TAX1BP1: variants seen among roughly 807,000 people sequenced by gnomAD.
TAX1BP1 encodes the protein tax1-binding protein 1.
A neutral mutation model predicts 97.7 loss-of-function variants in TAX1BP1; 62 were observed. That is an observed-to-expected ratio of 0.63 (90% CI 0.52 to 0.78). The LOEUF (loss-of-function observed/expected upper bound fraction) is 0.78, where lower values mean the gene tolerates loss of function less well. Ranked by LOEUF, TAX1BP1 falls within the 30% of genes least tolerant of loss-of-function variation. The probability of loss-of-function intolerance (pLI) is 0.00; values close to 1 mark genes in which losing one functional copy is unlikely to be tolerated. For missense variants in TAX1BP1, 867 were observed against 916.1 expected (o/e 0.95, Z 0.69); for synonymous variants, 340 against 304.2 (o/e 1.12, Z -1.23).
intron 1 of TAX1BP1, among the ~76,000 whole-genome samples, chr7:27,746,311 T>C (rs1787813404): frequency 6.6e-6 from 1 of 151,960 alleles, no homozygotes; most frequent in African/African-American, 2.4e-5. Context: ...TTGTATCTAA[T>C]AGATGTTGGT....
chr7:27,746,073 T>C (rs1486560152), intron 1 of TAX1BP1, among the ~76,000 whole-genome samples: 2 of 152,130 alleles, frequency 1.3e-5, no homozygotes, highest in Non-Finnish European at 2.9e-5. Context: ...ACTTTTGCCT[T>C]GTTTTATAAA....
upstream of TAX1BP1, chr7:27,739,963 C>G (rs1787499281): frequency 6.6e-6 from 1 of 152,192 alleles, no homozygotes; most frequent in South Asian, 2.1e-4. Flanking sequence ...TGTTTTGCTG[C>G]GATTAAGTTG....
intron 8 of TAX1BP1, among the ~76,000 whole-genome samples, chr7:27,788,432 T>C (rs1420251352): frequency 6.6e-6 from 1 of 152,068 alleles, no homozygotes; most frequent in African/African-American, 2.4e-5. Context: ...TCAATGTTTT[T>C]ATTGTCCTTT....
intron 11 of TAX1BP1, among the ~76,000 whole-genome samples, chr7:27,794,708 G>A (rs182332117): frequency 6.6e-6 from 1 of 152,202 alleles, no homozygotes; most frequent in Non-Finnish European, 1.5e-5. Flanking sequence ...AAAATGAGCT[G>A]GTGCTTGTGA....
At chr7:27,759,855 CTTTT>C (rs777663697) in intron 3 of TAX1BP1, among the ~76,000 whole-genome samples, 1 of 139,166 alleles carries the variant, frequency 7.2e-6, no homozygotes, top group Non-Finnish European at 1.6e-5. Context: ...TTTTGTAAAT[CTTTT>C]TTTTTTTTTT....
Position 27,829,446 on chromosome 7 carries a change from A to C in TAX1BP1, c.*617A>C, listed in dbSNP as rs571610334. 114 of 152,320 alleles carry C rather than the reference A, an allele frequency of 7.5e-4. No homozygotes were observed. Among genetic ancestry groups the C allele is most frequent in the African/African-American group, 2.7e-3 (111 of 41,576 alleles). 9.4% of individuals were successfully genotyped at this position (152,320 alleles called of 1,614,324 possible). A position where few individuals can be genotyped will look rare whatever the true frequency, so the allele number is the denominator to read the frequency against. ...AATTTTATGGCAAAATTTTAGAATA[A>C]CCTGAATGATTATTTTTAAACTATC... On this transcript the variant is annotated 3_prime_UTR_variant, in exon 17 of 17. Coordinates refer to ENST00000396319, the MANE Select transcript of TAX1BP1 (RefSeq NM_006024.7).
chr7:27,765,198 T>C (rs1788587051), intron 3 of TAX1BP1, among the ~76,000 whole-genome samples: 5 of 150,158 alleles, frequency 3.3e-5, no homozygotes, highest in Admixed American at 3.3e-4. Context: ...GTATTTTTTG[T>C]AGTGACAGGG....
At chr7:27,804,030 A>G (rs1790243364) in intron 13 of TAX1BP1, among the ~76,000 whole-genome samples, 1 of 152,204 alleles carries the variant, frequency 6.6e-6, no homozygotes, top group Admixed American at 6.5e-5. Flanking sequence ...GCCATTGATA[A>G]TATTTGAGCT....
chr7:27,757,909 G>T, intron 2 of TAX1BP1, 122 bp from the exon 3 acceptor site: 1 of 523,098 alleles, frequency 1.9e-6, no homozygotes, highest in Non-Finnish European at 3.3e-6. Flanking sequence ...AAATACTCAT[G>T]ATTTGTAAAC....
chr7:27,750,746 AT>A (rs1169756128), intron 2 of TAX1BP1, among the ~76,000 whole-genome samples: 1 of 151,970 alleles, frequency 6.6e-6, no homozygotes, highest in South Asian at 2.1e-4. Flanking sequence ...ATATTTTTTC[AT>A]TTTTTTAAAG....
chr7:27,742,115 CG>C (rs1787636628), intron 1 of TAX1BP1, among the ~76,000 whole-genome samples: 1 of 152,224 alleles, frequency 6.6e-6, no homozygotes, highest in Non-Finnish European at 1.5e-5. Context: ...TGCCCAGGGA[CG>C]GGCAGGAGAC....
At chr7:27,744,752 A>G (rs946302135) in intron 1 of TAX1BP1, among the ~76,000 whole-genome samples, 1 of 152,208 alleles carries the variant, frequency 6.6e-6, no homozygotes, top group African/African-American at 2.4e-5. Flanking sequence ...GTAAGTAAAG[A>G]TAACATTGAA....
chr7:27,796,505 G>A (rs1388112550), intron 12 of TAX1BP1, among the ~76,000 whole-genome samples: 1 of 152,178 alleles, frequency 6.6e-6, no homozygotes, highest in Non-Finnish European at 1.5e-5. Context: ...GAAATTATCT[G>A]TCATCGTATA....
intron 7 of TAX1BP1, among the ~76,000 whole-genome samples, chr7:27,786,306 T>A (rs1789479685): frequency 6.6e-6 from 1 of 151,972 alleles, no homozygotes; most frequent in African/African-American, 2.4e-5. Context: ...TAATTTTTTG[T>A]ATTTTTTTAG....
intron 13 of TAX1BP1, among the ~76,000 whole-genome samples, chr7:27,800,576 A>G (rs1790094469): frequency 6.6e-6 from 1 of 152,062 alleles, no homozygotes; most frequent in African/African-American, 2.4e-5. Context: ...AAAAATAAAA[A>G]TTAATAAATA....
In TAX1BP1 at chr7:27,816,305, A is replaced by G. The variant is rs369867384; in HGVS notation, c.1765-44A>G. On this transcript the variant is annotated intron_variant, in intron 13 of 16. Transcript: ENST00000396319. ...TTTAATACTGCTGTATTTATGAAAT[A>G]TTTTATTGCTTTGCTTATTCATCTT... 2.1e-4 allele frequency: 301 copies of G among 1,437,590 alleles called. No homozygotes were observed. The African/African-American group carries it at 3.8e-3, about 18-fold the overall frequency. 89.1% of individuals were successfully genotyped at this position (1,437,590 alleles called of 1,614,324 possible).
chr7:27,800,471 C>G (rs1201659414), intron 13 of TAX1BP1, among the ~76,000 whole-genome samples: 2 of 152,102 alleles, frequency 1.3e-5, no homozygotes, highest in East Asian at 1.9e-4. Context: ...AATCCCAGCA[C>G]TTTGGGATGC....
chr7:27,825,309 T>G (rs1791137303), intron 15 of TAX1BP1, among the ~76,000 whole-genome samples: 1 of 151,978 alleles, frequency 6.6e-6, no homozygotes, highest in African/African-American at 2.4e-5. Context: ...TTTAATCTAC[T>G]GTGGTTTTGA....
chr7:27,814,600 T>G (rs1790691412), intron 13 of TAX1BP1, among the ~76,000 whole-genome samples: 1 of 152,230 alleles, frequency 6.6e-6, no homozygotes, highest in African/African-American at 2.4e-5. Context: ...TCCTAAACAT[T>G]TTATCTATTG....
Sources: allele counts gnomAD v4.1 joint callset (sites outside exome capture counted in the v4.1 genomes callset), GRCh38; gene constraint gnomAD v4.1.1; transcripts MANE v1.5; gene names NCBI Gene and HGNC (gene_info 2026-07-23, HGNC 2026-07-21).